MAD1L1: variants seen among roughly 807,000 people sequenced by gnomAD.
The protein encoded by MAD1L1 is mitotic arrest deficient 1 like 1.
In MAD1L1, 95 loss-of-function variants were observed where a neutral mutation model predicts 96.9. That is an observed-to-expected ratio of 0.98 (90% confidence interval 0.83 to 1.16). The LOEUF (loss-of-function observed/expected upper bound fraction) is 1.16. Among genes scored for constraint, MAD1L1 ranks in the 50% most tolerant of loss-of-function variants. The pLI, the probability that MAD1L1 is intolerant of heterozygous loss-of-function variation, is 0.00. For synonymous variants in MAD1L1, 473 were observed against 396.6 expected (o/e 1.19, Z -2.29); for missense variants, 1,007 against 954.4 (o/e 1.06, Z -0.73).
chr7:1,820,235 GA>G (rs1348708190), intron 18 of MAD1L1, among the ~76,000 whole-genome samples: 1 of 152,052 alleles, frequency 6.6e-6, no homozygotes, highest in East Asian at 1.9e-4. Context: ...GAACAGAATG[GA>G]AACAAGAATA....
intron 18 of MAD1L1, among the ~76,000 whole-genome samples, chr7:1,841,973 C>A (rs549169185): frequency 6.6e-6 from 1 of 152,338 alleles, no homozygotes; most frequent in African/African-American, 2.4e-5. Flanking sequence ...CCTGCCTGCT[C>A]GCCGCGCTCG....
chr7:1,948,059 C>T (rs529605873), intron 16 of MAD1L1, among the ~76,000 whole-genome samples: 5 of 152,300 alleles, frequency 3.3e-5, no homozygotes, highest in East Asian at 3.9e-4. Context: ...GACAGAACCC[C>T]GAGAGCTCCC....
chr7:2,231,339 G>A (rs935332445), intron 1 of MAD1L1, among the ~76,000 whole-genome samples: 1 of 151,980 alleles, frequency 6.6e-6, no homozygotes, highest in Non-Finnish European at 1.5e-5. Flanking sequence ...ATAAACATAA[G>A]CCAGGCACTG....
intron 17 of MAD1L1, among the ~76,000 whole-genome samples, chr7:1,905,711 G>T (rs1420998523): frequency 3.9e-5 from 6 of 152,232 alleles, no homozygotes; most frequent in Admixed American, 2.0e-4. Flanking sequence ...CCTCTCCCGT[G>T]AGTGAGGCCG....
intron 15 of MAD1L1, among the ~76,000 whole-genome samples, chr7:1,961,021 T>C (rs1779929492): frequency 1.3e-5 from 2 of 151,980 alleles, no homozygotes; most frequent in Admixed American, 1.3e-4. Flanking sequence ...TCCAACACCA[T>C]GAAATACACA....
At chr7:1,950,479 C>G (rs561042541) in intron 16 of MAD1L1, among the ~76,000 whole-genome samples, 5 of 152,238 alleles carry the variant, frequency 3.3e-5, no homozygotes, top group Admixed American at 6.5e-5. Context: ...GACTTCCACC[C>G]GAGTCCTTCA....
chr7:2,132,498 C>T (rs931537751), intron 11 of MAD1L1, among the ~76,000 whole-genome samples: 8 of 152,160 alleles, frequency 5.3e-5, no homozygotes, highest in Admixed American at 1.3e-4. Flanking sequence ...TCCACCATCA[C>T]GGCCGCGTGA....
chr7:1,823,427 A>G (rs1782229196), intron 18 of MAD1L1, among the ~76,000 whole-genome samples: 1 of 152,170 alleles, frequency 6.6e-6, no homozygotes. Flanking sequence ...GAAATTGCAC[A>G]GTGGAAGAGC....
chr7:1,864,979 T>A, intron 18 of MAD1L1, among the ~76,000 whole-genome samples: 1 of 152,074 alleles, frequency 6.6e-6, no homozygotes, highest in East Asian at 1.9e-4. Flanking sequence ...GGAGCTCTAG[T>A]ATAGCCACAC....
intron 18 of MAD1L1, among the ~76,000 whole-genome samples, chr7:1,894,513 C>T (rs1786744326): frequency 6.6e-6 from 1 of 152,220 alleles, no homozygotes; most frequent in South Asian, 2.1e-4. Flanking sequence ...TGAGACTTGC[C>T]TCTTGCAGCC....
intron 11 of MAD1L1, among the ~76,000 whole-genome samples, chr7:2,102,327 A>G (rs922190334): frequency 1.3e-5 from 2 of 150,022 alleles, no homozygotes; most frequent in Non-Finnish European, 3.0e-5. Flanking sequence ...CACCGCCGTC[A>G]CCATCACCAT....
intron 12 of MAD1L1, among the ~76,000 whole-genome samples, chr7:2,051,274 T>A (rs1481204307): frequency 1.3e-5 from 2 of 152,144 alleles, no homozygotes. Context: ...CTCCCTGGGC[T>A]CCTCTCTAAG....
chr7:1,887,099 G>C (rs894170008), intron 18 of MAD1L1, among the ~76,000 whole-genome samples: 2 of 152,374 alleles, frequency 1.3e-5, no homozygotes, highest in South Asian at 4.1e-4. Flanking sequence ...CTCAGGCTAG[G>C]GGGGCTCCGG....
intron 18 of MAD1L1, among the ~76,000 whole-genome samples, chr7:1,886,720 C>A (rs1786055932): frequency 6.6e-6 from 1 of 152,270 alleles, no homozygotes; most frequent in South Asian, 2.1e-4. Context: ...TGACCCTGGG[C>A]AGGCCCTGCT....
intron 17 of MAD1L1, among the ~76,000 whole-genome samples, chr7:1,904,195 G>A (rs1401356972): frequency 2.0e-5 from 3 of 149,006 alleles, no homozygotes; most frequent in Admixed American, 1.3e-4. Flanking sequence ...ATGAAGCACT[G>A]TTCCAGGCAG....
intron 12 of MAD1L1, among the ~76,000 whole-genome samples, chr7:2,049,129 C>T (rs1056160261): frequency 3.3e-5 from 5 of 152,204 alleles, no homozygotes; most frequent in Non-Finnish European, 5.9e-5. Flanking sequence ...ATCGGCTCCC[C>T]GTGCAGATGG....
chr7:1,948,536 C>A (rs547531466), intron 16 of MAD1L1, among the ~76,000 whole-genome samples: 1 of 152,188 alleles, frequency 6.6e-6, no homozygotes, highest in Non-Finnish European at 1.5e-5. Flanking sequence ...CTGGCCTTCC[C>A]GGCCTGAGAC....
At chr7:2,062,718 A>G (rs1225391299) in intron 12 of MAD1L1, among the ~76,000 whole-genome samples, 1 of 152,134 alleles carries the variant, frequency 6.6e-6, no homozygotes, top group African/African-American at 2.4e-5. Context: ...ATTTGTGCAC[A>G]CTAAACTTCA....
chr7:2,022,720 G>A lies in MAD1L1; in HGVS notation c.1219-8078C>T, dbSNP rs60822504. 3.1e-3 allele frequency among the ~76,000 whole-genome samples: 476 copies of A among 152,164 alleles called. 2 individuals are homozygous for A. Among genetic ancestry groups the A allele is most frequent in the African/African-American group, 0.011 (448 of 41,496 alleles). On this transcript the variant is annotated intron_variant, in intron 12 of 18. Transcript: ENST00000265854. ...CATGGCAGGTATTAACAGTATCAAC[G>A]ATCATTTCGAATGTGAATGATCTAA...
Sources: gnomAD v4.1 joint callset for allele counts (sites outside exome capture counted in the v4.1 genomes callset) on GRCh38, gnomAD v4.1.1 for gene constraint, MANE v1.5 for transcripts, NCBI Gene and HGNC (gene_info 2026-07-23, HGNC 2026-07-21) for gene names.